The following SMIM22 variants were observed in gnomAD, a reference collection of about 807,000 sequenced individuals.
SMIM22 encodes cancer associated small integral membrane open reading frame 1.
SMIM22 carries 16 observed loss-of-function variants against 8.4 expected under a neutral mutation model. The observed-to-expected ratio is 1.90, with a 90% CI of 1.29 to 2.89. The LOEUF (loss-of-function observed/expected upper bound fraction) is 2.89, where lower values mean the gene tolerates loss of function less well. Among genes scored for constraint, SMIM22 ranks in the 30% most tolerant of loss-of-function variants. The pLI is 0.00. For synonymous variants in SMIM22, 67 were observed against 47.6 expected (o/e 1.41, Z -1.68); for missense variants, 159 against 107.5 (o/e 1.48, Z -2.12).
chr16:4,791,708 G>A (rs1233593027), upstream of SMIM22, among the ~76,000 whole-genome samples: 1 of 152,072 alleles, frequency 6.6e-6, no homozygotes, highest in Non-Finnish European at 1.5e-5. Context: ...TGTTTTCTGA[G>A]ACACAGTCTC....
At chr16:4,792,348 G>A (rs62036087), upstream of SMIM22, among the ~76,000 whole-genome samples, 17 of 151,662 alleles carry the variant, frequency 1.1e-4, no homozygotes, top group East Asian at 3.0e-3. Context: ...CCGCCACCAC[G>A]CCCGGCTAAT....
rs1328508447 is a variant in SMIM22, at chr16:4,795,743, G to A, written c.9G>A (p.Val3=). Residue 3 remains valine, a synonymous_variant, in exon 2 of 4, where the codon GTG becomes GTA. Coordinates refer to ENST00000586005, the MANE Select transcript of SMIM22 (RefSeq NM_001253794.2). MA[V]STEELEATVQ... The stretch of plus-strand genomic sequence containing the variant: ...GCACGGTGCACGCCAAGATGGCTGT[G>A]TCCACAGAGGAGCTGGAGGCCACGG... 12 of 1,535,718 alleles carry A rather than the reference G, an allele frequency of 7.8e-6. No homozygotes were observed. The highest frequency in any genetic ancestry group is 1.0e-5 in the Non-Finnish European group (12 of 1,146,788).
chr16:4,796,233 CCT>C lies in SMIM22; in HGVS notation c.*3_*4del. 2.0e-6 allele frequency: 3 copies of C among 1,535,712 alleles called. No individual in the cohort carries two copies. Among genetic ancestry groups the C allele is most frequent in the Non-Finnish European group, 2.6e-6 (3 of 1,146,774 alleles). On this transcript the variant is annotated 3_prime_UTR_variant, in exon 4 of 4. Transcript: ENST00000586005. ...GATAACTTGGCCCTGGAACCCTGAC[CCT>C]GTGTCTCCTGCCCGGTGGCAGTAAC... is the stretch of plus-strand genomic sequence containing the variant.
chr16:4,790,057 G>A (rs577676160), intron 2 of SMIM22: 1 of 152,008 alleles, frequency 6.6e-6, no homozygotes, highest in African/African-American at 2.4e-5. Context: ...TGGGACTTCA[G>A]GTACGTAGAC....
chr16:4,788,806 G>C (rs1357873677), intron 2 of SMIM22: 2 of 152,232 alleles, frequency 1.3e-5, no homozygotes, highest in Admixed American at 1.3e-4. Context: ...TGATAGATAA[G>C]AGAGGGTCAG....
intron 2 of SMIM22, among the ~76,000 whole-genome samples, chr16:4,789,679 A>G (rs1290002525): frequency 6.6e-6 from 1 of 151,714 alleles, no homozygotes; most frequent in Admixed American, 6.6e-5. Flanking sequence ...TGCTGGTCTC[A>G]AACTCCTGGG....
chr16:4,789,323 C>T (rs1596263021), intron 2 of SMIM22, among the ~76,000 whole-genome samples: 1 of 150,770 alleles, frequency 6.6e-6, no homozygotes, highest in East Asian at 2.0e-4. Flanking sequence ...TTTCTTTTTT[C>T]CTTTTTTTCT....
At chr16:4,792,481 C>T (rs548016505), upstream of SMIM22, among the ~76,000 whole-genome samples, 84 of 150,212 alleles carry the variant, frequency 5.6e-4, no homozygotes, top group Non-Finnish European at 8.0e-4. Flanking sequence ...TGAGCCACCG[C>T]GCCTAGCCTC....
At chr16:4,796,093 G>A (rs1386707649) in intron 3 of SMIM22, 45 bp downstream of exon 3, 5 of 1,535,576 alleles carry the variant, frequency 3.3e-6, no homozygotes, top group Non-Finnish European at 3.5e-6. Flanking sequence ...CTGTACTGGG[G>A]GTGGAGGCGG....
At chr16:4,793,757 CATTAT>C (rs1366009772), upstream of SMIM22, among the ~76,000 whole-genome samples, 4 of 151,722 alleles carry the variant, frequency 2.6e-5, no homozygotes, top group Admixed American at 1.3e-4. Context: ...ACCTAGCATA[CATTAT>C]ATTAAATAAA....
upstream of SMIM22, among the ~76,000 whole-genome samples, chr16:4,791,371 G>A (rs1284761468): frequency 2.0e-5 from 3 of 152,182 alleles, no homozygotes; most frequent in Non-Finnish European, 2.9e-5. Flanking sequence ...ACGTCAACAC[G>A]GCGATAATAG....
At position 4,796,042 on chromosome 16, in the gene SMIM22, C is replaced by T. The variant is rs1233093771; in HGVS notation, c.219C>T (p.Pro73=). The change falls in exon 3 of 4, where the codon CCC becomes CCT. Residue 73 remains proline (P), a synonymous_variant. Coordinates refer to ENST00000586005, the MANE Select transcript of SMIM22 (RefSeq NM_001253794.2). The part of the protein sequence containing the change: ...PRRESPRKVS[P]WKERPKGVDN... ...GGGAAAGCCCCAGGAAGGTGAGCCC[C>T]TGGAAGGTGAGCCCTGCCGGCCTCT... 2 of 1,530,552 alleles carry T rather than the reference C, an allele frequency of 1.3e-6. No individual in the cohort carries two copies. Among genetic ancestry groups the T allele is most frequent in the East Asian group, 4.9e-5 (2 of 40,800 alleles). The allele number at this position is 1,530,552 out of a possible 1,614,324, so 94.8% of individuals were successfully genotyped here. A position where few individuals can be genotyped will look rare whatever the true frequency, so the allele number is the denominator to read the frequency against.
chr16:4,793,484 T>C (rs1410044130), upstream of SMIM22, among the ~76,000 whole-genome samples: 2 of 152,198 alleles, frequency 1.3e-5, no homozygotes, highest in Admixed American at 6.6e-5. Flanking sequence ...ATACCCACTT[T>C]AGGATTGCTA....
upstream of SMIM22, chr16:4,795,268 G>A (rs2082614696): frequency 6.1e-6 from 1 of 162,944 alleles, no homozygotes; most frequent in Non-Finnish European, 1.3e-5. Context: ...GCCTCCAGCA[G>A]TGGGGAGCCA....
rs1461284859 is a variant in SMIM22, at chr16:4,796,326, G to T, written c.*95G>T. 1.4e-6 allele frequency: 2 copies of T among 1,432,890 alleles called. No homozygotes were observed. The highest frequency in any genetic ancestry group is 1.4e-5 in the African/African-American group (1 of 71,210). 88.8% of individuals were successfully genotyped at this position (1,432,890 alleles called of 1,614,324 possible). On this transcript the variant is annotated 3_prime_UTR_variant, in exon 4 of 4. Coordinates refer to ENST00000586005, the MANE Select transcript of SMIM22 (RefSeq NM_001253794.2). Reference sequence around the variant, plus strand: ...TCCAGTCCCCGTCTGGGTGGGTGACGCGGGACTCGCCGCCCCACTCAGGTG... The same window carrying T: ...TCCAGTCCCCGTCTGGGTGGGTGACTCGGGACTCGCCGCCCCACTCAGGTG...
At chr16:4,795,290 T>G (rs996646004), upstream of SMIM22, 18 of 169,198 alleles carry the variant, frequency 1.1e-4, no homozygotes, top group South Asian at 1.3e-3. Flanking sequence ...GGAGCGCACC[T>G]GCTGGGCCTG....
intron 1 of SMIM22, 96 bp from the exon 2 acceptor site, chr16:4,795,619 C>A: frequency 7.0e-7 from 1 of 1,419,886 alleles, no homozygotes; most frequent in Non-Finnish European, 9.3e-7. Flanking sequence ...GGCGCTGGGC[C>A]AGGAGCGGGC....
chr16:4,793,956 G>T (rs1322200325), upstream of SMIM22, among the ~76,000 whole-genome samples: 1 of 150,654 alleles, frequency 6.6e-6, no homozygotes, highest in African/African-American at 2.4e-5. Context: ...TATTTTTTTT[G>T]AGATAGTCTT....
chr16:4,796,079 G>C (rs774587898), intron 3 of SMIM22, 31 bp downstream of exon 3: 6 of 1,534,698 alleles, frequency 3.9e-6, no homozygotes, highest in Non-Finnish European at 4.4e-6. Flanking sequence ...GGACCTGCAC[G>C]GAACTGTACT....
Sources: allele counts gnomAD v4.1 joint callset (sites outside exome capture counted in the v4.1 genomes callset), GRCh38; gene constraint gnomAD v4.1.1; transcripts MANE v1.5; gene names NCBI Gene and HGNC (gene_info 2026-07-23, HGNC 2026-07-21).